Variants in CSMD1 observed in about 807,000 individuals in gnomAD.
The protein encoded by CSMD1 is CUB and sushi domain-containing protein 1.
Under a neutral mutation model 417.5 loss-of-function variants are expected in CSMD1, and 213 were observed. The observed-to-expected ratio is 0.51, with a 90% CI of 0.46 to 0.57. The LOEUF (loss-of-function observed/expected upper bound fraction) is 0.57. Among genes scored for constraint, CSMD1 ranks in the 20% least tolerant of loss-of-function variants. The probability of loss-of-function intolerance (pLI) is 0.00; values close to 1 mark genes in which losing one functional copy is unlikely to be tolerated. For missense variants in CSMD1, 6,923 were observed against 4,529.7 expected (o/e 1.53, Z -15.17); for synonymous variants, 2,862 against 1,736.8 (o/e 1.65, Z -16.11).
chr8:4,912,315 A>G (rs1563746446), intron 1 of CSMD1, among the ~76,000 whole-genome samples: 2 of 151,826 alleles, frequency 1.3e-5, no homozygotes, highest in African/African-American at 4.8e-5. Flanking sequence ...AGAATCTAAT[A>G]AAAGAAGAGG....
At chr8:3,311,581 G>A (rs79105442) in intron 23 of CSMD1, among the ~76,000 whole-genome samples, 2,831 of 152,276 alleles carry the variant, frequency 0.019, 84 homozygotes, top group African/African-American at 0.064. Flanking sequence ...CAAGCTTTAT[G>A]CTAGACGATT....
intron 7 of CSMD1, among the ~76,000 whole-genome samples, chr8:3,629,696 A>C (rs1306426479): frequency 6.6e-6 from 1 of 151,704 alleles, no homozygotes; most frequent in African/African-American, 2.4e-5. Context: ...GATAGAAAAG[A>C]CCACATGATC....
chr8:4,056,444 T>G (rs1019258460), intron 3 of CSMD1, among the ~76,000 whole-genome samples: 1 of 151,930 alleles, frequency 6.6e-6, no homozygotes, highest in Non-Finnish European at 1.5e-5. Context: ...ACATTAAAAT[T>G]TATTTATGAT....
chr8:4,874,388 A>ATTTTTTTTTTTTTTTTTTTTTTTTTTT, intron 1 of CSMD1, among the ~76,000 whole-genome samples: 1 of 133,528 alleles, frequency 7.5e-6, no homozygotes, highest in Non-Finnish European at 1.5e-5. Flanking sequence ...ATCCGATTGT[A>ATTTTTTTTTTTTTTTTTTTTTTTTTTT]TTTTTTTTTT....
chr8:4,410,444 A>T (rs997465818), intron 3 of CSMD1, among the ~76,000 whole-genome samples: 2 of 152,182 alleles, frequency 1.3e-5, no homozygotes, highest in African/African-American at 4.8e-5. Context: ...TAGCGTCCAG[A>T]TAGTATATAG....
chr8:3,175,816 T>C (rs1308477763), intron 37 of CSMD1, among the ~76,000 whole-genome samples: 1 of 152,210 alleles, frequency 6.6e-6, no homozygotes, highest in Non-Finnish European at 1.5e-5. Context: ...AAATATATTT[T>C]GTTAACTTCA....
At chr8:4,131,760 T>A (rs1300579177) in intron 3 of CSMD1, among the ~76,000 whole-genome samples, 1 of 130,410 alleles carries the variant, frequency 7.7e-6, no homozygotes, top group African/African-American at 3.0e-5. Context: ...ATGTGACTTT[T>A]TTTTTTTTTT....
intron 3 of CSMD1, among the ~76,000 whole-genome samples, chr8:4,180,522 A>G (rs1001535233): frequency 2.0e-5 from 3 of 151,932 alleles, no homozygotes; most frequent in African/African-American, 4.8e-5. Context: ...GCACATGTAT[A>G]CATATGTAAC....
chr8:3,882,377 T>G (rs1806265754), intron 5 of CSMD1, among the ~76,000 whole-genome samples: 1 of 152,126 alleles, frequency 6.6e-6, no homozygotes, highest in African/African-American at 2.4e-5. Flanking sequence ...ACTAGAATGG[T>G]TAAAATACAA....
chr8:2,995,188 C>G (rs111902488), intron 54 of CSMD1, among the ~76,000 whole-genome samples: 4,111 of 152,212 alleles, frequency 0.027, 95 homozygotes, highest in Non-Finnish European at 0.034. Flanking sequence ...GAAACTCAGT[C>G]TTAAAAAGCA....
intron 10 of CSMD1, among the ~76,000 whole-genome samples, chr8:3,571,431 T>C (rs60137195): frequency 0.036 from 5,496 of 152,210 alleles, 316 homozygotes; most frequent in African/African-American, 0.12. Context: ...TGGAAAGATT[T>C]TGAGAATGCA....
chr8:4,658,292 G>T (rs1439110817), intron 1 of CSMD1, among the ~76,000 whole-genome samples: 1 of 151,988 alleles, frequency 6.6e-6, no homozygotes, highest in Non-Finnish European at 1.5e-5. Flanking sequence ...ATCCATACTG[G>T]GACATATTTT....
intron 12 of CSMD1, among the ~76,000 whole-genome samples, chr8:3,461,935 G>A (rs1816530849): frequency 6.6e-6 from 1 of 152,224 alleles, no homozygotes; most frequent in Non-Finnish European, 1.5e-5. Context: ...AGCTAAGGAG[G>A]CAGATCCTCA....
chr8:4,535,362 T>G (rs1797051821), intron 2 of CSMD1, among the ~76,000 whole-genome samples: 1 of 152,194 alleles, frequency 6.6e-6, no homozygotes, highest in South Asian at 2.1e-4. Flanking sequence ...TTTATTGCTA[T>G]TTTTAGAATA....
intron 2 of CSMD1, among the ~76,000 whole-genome samples, chr8:4,469,229 G>T (rs547725465): frequency 2.0e-5 from 3 of 152,018 alleles, no homozygotes; most frequent in Non-Finnish European, 4.4e-5. Flanking sequence ...CTAAGGAAAG[G>T]AAAGCTCATA....
At chr8:4,332,224 G>A (rs1799905695) in intron 3 of CSMD1, among the ~76,000 whole-genome samples, 1 of 152,022 alleles carries the variant, frequency 6.6e-6, no homozygotes, top group Non-Finnish European at 1.5e-5. Flanking sequence ...GATCCCTCAC[G>A]AAGCTAACGC....
At chr8:3,399,302 C>T in intron 16 of CSMD1, 89 bp downstream of exon 16, 1 of 1,269,170 alleles carries the variant, frequency 7.9e-7, no homozygotes, top group Non-Finnish European at 1.1e-6. Context: ...AAAAAAACTG[C>T]CATCTTTTTA....
chr8:3,157,707 T>A (rs1585507585), intron 39 of CSMD1, among the ~76,000 whole-genome samples, 190 bp downstream of exon 39: 1 of 152,154 alleles, frequency 6.6e-6, no homozygotes, highest in African/African-American at 2.4e-5. Flanking sequence ...GAAGACGGAG[T>A]TGCTGCATCC....
intron 2 of CSMD1, among the ~76,000 whole-genome samples, chr8:4,586,860 T>C (rs761748155): frequency 6.6e-6 from 1 of 152,184 alleles, no homozygotes; most frequent in African/African-American, 2.4e-5. Flanking sequence ...GTTCAACTTT[T>C]TCTATCCAGT....
Sources: gnomAD v4.1 joint callset for allele counts (sites outside exome capture counted in the v4.1 genomes callset) on GRCh38, gnomAD v4.1.1 for gene constraint, MANE v1.5 for transcripts, NCBI Gene and HGNC (gene_info 2026-07-23, HGNC 2026-07-21) for gene names.